Variants in TDRD9 observed in about 807,000 individuals in gnomAD.
TDRD9 encodes the protein tudor domain containing 9, also known as ATP-dependent RNA helicase TDRD9.
A neutral mutation model predicts 172.6 loss-of-function variants in TDRD9; 124 were observed. The observed-to-expected ratio is 0.72, with a 90% confidence interval of 0.62 to 0.83. The LOEUF is 0.83. Ranked by LOEUF, TDRD9 falls within the 40% of genes least tolerant of loss-of-function variation. TDRD9 has a pLI of 0.00. For synonymous variants in TDRD9, 619 were observed against 617.1 expected (o/e 1.00, Z -0.05); for missense variants, 1,479 against 1,714.1 (o/e 0.86, Z 2.42).
intron 1 of TDRD9, chr14:103,941,391 T>G: frequency 1.3e-6 from 2 of 1,529,702 alleles, no homozygotes; most frequent in Non-Finnish European, 1.7e-6. Flanking sequence ...AACATAGTAT[T>G]TTTACCTGCT....
intron 6 of TDRD9, among the ~76,000 whole-genome samples, chr14:103,971,336 A>T (rs1474505428): frequency 1.6e-5 from 2 of 122,430 alleles, no homozygotes; most frequent in Admixed American, 8.3e-5. Context: ...ATGGAGTCTC[A>T]CTCTGTTGCC....
At chr14:104,006,186 T>A (rs1053584915) in intron 15 of TDRD9, among the ~76,000 whole-genome samples, 1 of 151,514 alleles carries the variant, frequency 6.6e-6, no homozygotes, top group Non-Finnish European at 1.5e-5. Context: ...ATCATACTTT[T>A]AAAAAAAAAG....
chr14:104,044,313 A>G (rs1052776461), intron 34 of TDRD9, among the ~76,000 whole-genome samples: 1 of 152,188 alleles, frequency 6.6e-6, no homozygotes, highest in African/African-American at 2.4e-5. Flanking sequence ...CTTGACTAAT[A>G]TATTAAAACA....
In TDRD9 at chr14:103,938,438, A is replaced by ATTTTTTTTT. The variant is rs1354196439; in HGVS notation, c.215+9715_215+9716insTTTTTTTTT. Among the ~76,000 whole-genome samples, 93 of 41,744 alleles carry ATTTTTTTTT rather than the reference A, an allele frequency of 2.2e-3. 3 individuals carry two copies. Among genetic ancestry groups the ATTTTTTTTT allele is most frequent in the Non-Finnish European group, 3.2e-3 (77 of 24,208 alleles). The allele number at this position is 41,744 out of a possible 152,430, so 27.4% of individuals were successfully genotyped here. On this transcript the variant is annotated intron_variant, in intron 1 of 35. Transcript: ENST00000409874. ...TGTATATATATATATATATATATAT[A>ATTTTTTTTT]TATTTTTTTTTTTTTTTTGAGATGG...
At chr14:103,982,423 T>TGAGAC (rs2033510142) in intron 7 of TDRD9, among the ~76,000 whole-genome samples, 1 of 152,166 alleles carries the variant, frequency 6.6e-6, no homozygotes, top group Admixed American at 6.5e-5. Context: ...TTAGGAGAGC[T>TGAGAC]CTAGGTAAGT....
chr14:104,005,211 TG>T, intron 14 of TDRD9, 62 bp from the exon 15 acceptor site: 1 of 1,572,506 alleles, frequency 6.4e-7, no homozygotes, highest in Non-Finnish European at 8.7e-7. Flanking sequence ...GCACTGGTTA[TG>T]TGAATCGGCT....
intron 6 of TDRD9, among the ~76,000 whole-genome samples, chr14:103,971,747 T>C (rs1426817556): frequency 6.6e-6 from 1 of 152,208 alleles, no homozygotes; most frequent in Non-Finnish European, 1.5e-5. Flanking sequence ...GGTTATTATG[T>C]TGCCTTAAAC....
intron 1 of TDRD9, among the ~76,000 whole-genome samples, chr14:103,952,606 C>T (rs1444416815): frequency 1.3e-5 from 2 of 151,270 alleles, no homozygotes; most frequent in East Asian, 3.9e-4. Flanking sequence ...TAAGGAGAAA[C>T]TGATATTGAA....
At chr14:103,941,211 T>C (rs1331643423) in intron 1 of TDRD9, 1 of 1,020,172 alleles carries the variant, frequency 9.8e-7, no homozygotes, top group Non-Finnish European at 1.4e-6. Flanking sequence ...ACCTTTTGAG[T>C]ATTTTGCATG....
At chr14:103,930,642 G>T (rs879543379) in intron 1 of TDRD9, among the ~76,000 whole-genome samples, 2 of 152,094 alleles carry the variant, frequency 1.3e-5, no homozygotes, top group Admixed American at 1.3e-4. Flanking sequence ...GCATAGGGGG[G>T]ACCGAGAGAC....
chr14:103,974,846 C>T (rs2033171862), intron 6 of TDRD9, among the ~76,000 whole-genome samples: 1 of 152,088 alleles, frequency 6.6e-6, no homozygotes. Context: ...TGCTATGTTG[C>T]CCAGGCTGGT....
intron 21 of TDRD9, among the ~76,000 whole-genome samples, chr14:104,015,469 G>A (rs2034761099): frequency 6.6e-6 from 1 of 152,162 alleles, no homozygotes; most frequent in Non-Finnish European, 1.5e-5. Flanking sequence ...AGTCTTTGGT[G>A]GGTGTGTTTC....
intron 19 of TDRD9, among the ~76,000 whole-genome samples, chr14:104,007,799 A>G (rs2034491498): frequency 6.7e-6 from 1 of 150,248 alleles, no homozygotes; most frequent in African/African-American, 2.4e-5. Flanking sequence ...TTTTTTTGAG[A>G]CGGAGTCTCG....
intron 1 of TDRD9, among the ~76,000 whole-genome samples, chr14:103,935,747 A>G (rs2030718689): frequency 6.6e-6 from 1 of 152,166 alleles, no homozygotes; most frequent in South Asian, 2.1e-4. Flanking sequence ...AAGTGGTCAG[A>G]GGGACACCAG....
intron 1 of TDRD9, among the ~76,000 whole-genome samples, chr14:103,950,441 A>G (rs1225347243): frequency 6.6e-6 from 1 of 152,132 alleles, no homozygotes; most frequent in Admixed American, 6.5e-5. Context: ...ACAATGATTA[A>G]ACTATGTATT....
rs776078510 is a variant in TDRD9 at position 103,939,676 on chromosome 14, G to GTTTTTTTTT, written c.215+10952_215+10953insTTTTTTTTT. 5.5e-5 allele frequency: 2 copies of GTTTTTTTTT among 36,298 alleles called. 1 individual carries two copies. The highest frequency in any genetic ancestry group is 2.5e-3 in the South Asian group (2 of 812). The allele number at this position is 36,298 out of a possible 1,614,324, so 2.2% of individuals were successfully genotyped here. On this transcript the variant is annotated intron_variant, in intron 1 of 35. Coordinates refer to ENST00000409874, the MANE Select transcript of TDRD9 (RefSeq NM_153046.3). Reference sequence around the variant, plus strand: ...AACGCAGGGAGAATAAAGTTAGGAGGGTTTTTTTTTTTTTTTTTTTTTTTT... The same window carrying GTTTTTTTTT: ...AACGCAGGGAGAATAAAGTTAGGAGGTTTTTTTTTGTTTTTTTTTTTTTTTTTTTTTTTT...
intron 27 of TDRD9, 29 bp from the exon 28 acceptor site, chr14:104,026,650 G>A (rs777695996): frequency 1.2e-6 from 2 of 1,609,266 alleles, no homozygotes; most frequent in East Asian, 2.2e-5. Context: ...TTATAAAGCT[G>A]TTTGAGCTGT....
At chr14:104,034,673 G>A (rs2035395828) in intron 31 of TDRD9, among the ~76,000 whole-genome samples, 1 of 152,202 alleles carries the variant, frequency 6.6e-6, no homozygotes, top group South Asian at 2.1e-4. Flanking sequence ...TTGGCCCTGG[G>A]AAAAATCCAA....
chr14:103,978,156 C>CT (rs1259028514), intron 7 of TDRD9, among the ~76,000 whole-genome samples: 1 of 151,390 alleles, frequency 6.6e-6, no homozygotes, highest in Non-Finnish European at 1.5e-5. Flanking sequence ...CTTGTGAGAT[C>CT]TTTTTTGGTT....
Sources: allele counts gnomAD v4.1 joint callset (sites outside exome capture counted in the v4.1 genomes callset), GRCh38; gene constraint gnomAD v4.1.1; transcripts MANE v1.5; gene names NCBI Gene and HGNC (gene_info 2026-07-23, HGNC 2026-07-21).